Variants in DGKB observed in about 807,000 individuals in gnomAD.
DGKB encodes the protein diacylglycerol kinase beta, also known as 90 kDa diacylglycerol kinase.
In DGKB, 67 loss-of-function variants were observed where a neutral mutation model predicts 114.3. The ratio of observed to expected loss-of-function variants is 0.59; its 90% CI spans 0.48 to 0.72. The LOEUF is 0.72. DGKB is among the 30% of genes least tolerant of loss of function. The pLI is 0.00. For synonymous variants in DGKB, 398 were observed against 323.1 expected, an observed-to-expected ratio of 1.23 and a Z score of -2.49; for missense variants, 907 against 975.2, an observed-to-expected ratio of 0.93 and a Z score of 0.93.
At chr7:14,528,110 A>G (rs903721359) in intron 20 of DGKB, among the ~76,000 whole-genome samples, 5 of 152,120 alleles carry the variant, frequency 3.3e-5, no homozygotes, top group African/African-American at 9.7e-5. Flanking sequence ...TCAACAGTCA[A>G]TGTAAGCTCT....
chr7:14,812,376 GAAATA>G (rs1315434029), intron 2 of DGKB, among the ~76,000 whole-genome samples: 1 of 151,972 alleles, frequency 6.6e-6, no homozygotes, highest in Non-Finnish European at 1.5e-5. Context: ...ACTTTAGAAT[GAAATA>G]AAATAAAGCC....
rs1832844995 is a variant in DGKB, at chr7:14,743,468, CA to C, written c.169-7275del. On this transcript the variant is annotated intron_variant, in intron 4 of 25. Transcript: ENST00000402815. ...AGTGTTTTAAACCTCTAACATTTAACAGGCTTCCCCAAATCAAATTTCAGCT... is the reference window on the plus strand; with the variant it reads ...AGTGTTTTAAACCTCTAACATTTAACGGCTTCCCCAAATCAAATTTCAGCT... Among the ~76,000 whole-genome samples the C allele has an allele frequency of 2.0e-5, 3 of 152,242 alleles. No homozygotes were observed. In the South Asian group the frequency reaches 6.2e-4, roughly 32 times the overall value.
chr7:14,196,070 G>A (rs2128281424), intron 23 of DGKB, among the ~76,000 whole-genome samples: 1 of 152,162 alleles, frequency 6.6e-6, no homozygotes, highest in East Asian at 1.9e-4. Context: ...CTGGTGACTT[G>A]CCAGAGAACC....
At chr7:14,323,796 G>A (rs1029428411) in intron 23 of DGKB, among the ~76,000 whole-genome samples, 1 of 152,154 alleles carries the variant, frequency 6.6e-6, no homozygotes, top group Non-Finnish European at 1.5e-5. Context: ...TGACTTATAT[G>A]AAGATTCACA....
At position 14,345,306 on chromosome 7, in the gene DGKB, T is replaced by A; in HGVS notation, c.1921A>T (p.Ile641Leu). Reference sequence around the variant, plus strand: ...AGAATTCATTTTTTTCTTACTTCTATTTCTACAGATTCATGTAGCTTCTTG... The same window carrying A: ...AGAATTCATTTTTTTCTTACTTCTAATTCTACAGATTCATGTAGCTTCTTG... Reference protein sequence around the residue: ...TCKKLHESVEIECDGVQIDLI... With the variant: ...TCKKLHESVELECDGVQIDLI... The change falls in exon 22 of 26, where the codon ATA (isoleucine) becomes TTA (leucine). Residue 641 changes from isoleucine to leucine, a missense_variant. Coordinates refer to ENST00000402815, the MANE Select transcript of DGKB (RefSeq NM_001350709.2). 6.5e-7 allele frequency: 1 copy of A among 1,529,332 alleles called. No individual in the cohort carries two copies. The highest frequency in any genetic ancestry group is 8.8e-7 in the Non-Finnish European group (1 of 1,132,256). 94.7% of individuals were successfully genotyped at this position (1,529,332 alleles called of 1,614,324 possible).
intron 21 of DGKB, among the ~76,000 whole-genome samples, chr7:14,383,545 C>G (rs7785569): frequency 5.9e-5 from 9 of 152,282 alleles, no homozygotes; most frequent in African/African-American, 2.2e-4. Context: ...TCCTGTCTTT[C>G]TGCTCTGCCA....
intron 13 of DGKB, among the ~76,000 whole-genome samples, chr7:14,655,350 C>T (rs764941093): frequency 1.3e-5 from 2 of 151,740 alleles, no homozygotes; most frequent in Non-Finnish European, 2.9e-5. Flanking sequence ...CACCTCACCC[C>T]AGTTAGAATG....
intron 6 of DGKB, among the ~76,000 whole-genome samples, chr7:14,711,961 T>C (rs1269587762): frequency 6.6e-6 from 1 of 152,200 alleles, no homozygotes; most frequent in African/African-American, 2.4e-5. Flanking sequence ...TACTCACCTA[T>C]ACAACTACTA....
At chr7:14,276,397 AAATC>A (rs1798996079) in intron 23 of DGKB, among the ~76,000 whole-genome samples, 1 of 152,228 alleles carries the variant, frequency 6.6e-6, no homozygotes, top group Admixed American at 6.5e-5. Flanking sequence ...AATATGAATT[AAATC>A]AATTACAGTA....
At chr7:14,911,092 T>G (rs961031028) in intron 1 of DGKB, among the ~76,000 whole-genome samples, 6 of 152,124 alleles carry the variant, frequency 3.9e-5, no homozygotes, top group African/African-American at 1.4e-4. Flanking sequence ...ATATATATAT[T>G]GACCTTACAA....
intron 1 of DGKB, among the ~76,000 whole-genome samples, chr7:14,852,487 C>CAAAAAAAAAAAAAAAAAAACA: frequency 4.7e-5 from 3 of 63,628 alleles, no homozygotes; most frequent in Non-Finnish European, 8.9e-5. Context: ...TAGTGAAAGT[C>CAAAAAAAAAAAAAAAAAAACA]AAAAAAAAAA....
At chr7:14,681,263 T>C (rs1283808878) in intron 12 of DGKB, among the ~76,000 whole-genome samples, 1 of 152,096 alleles carries the variant, frequency 6.6e-6, no homozygotes, top group Non-Finnish European at 1.5e-5. Context: ...CAAACACTTT[T>C]AAAAAACTAT....
Position 14,392,995 on chromosome 7 carries a change from G to GTTTTTGTTTTTTTTTT in DGKB, c.1836-47605_1836-47604insAAAAAAAAAACAAAAA. 3.7e-3 allele frequency among the ~76,000 whole-genome samples: 226 copies of GTTTTTGTTTTTTTTTT among 60,398 alleles called. 30 individuals are homozygous for GTTTTTGTTTTTTTTTT. Among genetic ancestry groups the GTTTTTGTTTTTTTTTT allele is most frequent in the Middle Eastern group, 0.016 (1 of 64 alleles). 39.6% of individuals were successfully genotyped at this position (60,398 alleles called of 152,430 possible). A position where few individuals can be genotyped will look rare whatever the true frequency, so the allele number is the denominator to read the frequency against. ...CAAAACAGACCTGTTTTTTGTTTTTGTTTTTTTTTTTTTGAGACGGAGTCT... is the reference window on the plus strand; with the variant it reads ...CAAAACAGACCTGTTTTTTGTTTTTGTTTTTGTTTTTTTTTTTTTTTTTTTTTTTGAGACGGAGTCT... On this transcript the variant is annotated intron_variant, in intron 21 of 25. Transcript: ENST00000402815.
chr7:14,613,976 T>A (rs1806069425), intron 15 of DGKB, among the ~76,000 whole-genome samples: 1 of 152,160 alleles, frequency 6.6e-6, no homozygotes, highest in Non-Finnish European at 1.5e-5. Context: ...TTTTCCTCCT[T>A]GCTGAATAGG....
At chr7:14,745,375 G>A (rs974199376) in intron 4 of DGKB, among the ~76,000 whole-genome samples, 7 of 152,030 alleles carry the variant, frequency 4.6e-5, no homozygotes, top group Admixed American at 3.3e-4. Flanking sequence ...ATCAGTCTTC[G>A]TCCCTATTCT....
At chr7:14,889,722 G>A (rs1780885630) in intron 1 of DGKB, among the ~76,000 whole-genome samples, 1 of 151,494 alleles carries the variant, frequency 6.6e-6, no homozygotes, top group African/African-American at 2.4e-5. Flanking sequence ...AAATGGAAAG[G>A]AAAAGAGTCC....
intron 4 of DGKB, chr7:14,750,079 T>A (rs1833888715): frequency 2.0e-6 from 1 of 512,406 alleles, no homozygotes. Context: ...TGCTATCATT[T>A]AGTCATCACA....
At chr7:14,351,061 T>C (rs796588207) in intron 21 of DGKB, among the ~76,000 whole-genome samples, 25 of 56,020 alleles carry the variant, frequency 4.5e-4, no homozygotes, top group African/African-American at 2.2e-3. Flanking sequence ...CATAATTCTA[T>C]GGCATAGCCG....
chr7:14,386,438 C>T (rs995886188), intron 21 of DGKB, among the ~76,000 whole-genome samples: 1 of 152,196 alleles, frequency 6.6e-6, no homozygotes, highest in Non-Finnish European at 1.5e-5. Context: ...TGCCCTAACA[C>T]GTGACTCCTG....
Sources: gnomAD v4.1 joint callset for allele counts (sites outside exome capture counted in the v4.1 genomes callset) on GRCh38, gnomAD v4.1.1 for gene constraint, MANE v1.5 for transcripts, NCBI Gene and HGNC (gene_info 2026-07-23, HGNC 2026-07-21) for gene names.